Variants in ENOX2 observed in about 807,000 individuals in gnomAD.
The protein encoded by ENOX2 is ecto-NOX disulfide-thiol exchanger 2, also known as APK1 antigen.
Under a neutral mutation model 45.0 loss-of-function variants are expected in ENOX2, and 36 were observed. The ratio of observed to expected loss-of-function variants is 0.80; its 90% CI spans 0.61 to 1.06. The LOEUF is 1.06. Ranked by LOEUF, ENOX2 falls within the 50% of genes least tolerant of loss-of-function variation. ENOX2 has a pLI of 0.00. For missense variants in ENOX2, 423 were observed against 462.5 expected, an observed-to-expected ratio of 0.91 and a Z score of 0.78; for synonymous variants, 174 against 152.3, an observed-to-expected ratio of 1.14 and a Z score of -1.05.
At chrX:130,845,554 C>T (rs2078086650) in intron 2 of ENOX2, among the ~76,000 whole-genome samples, 1 of 112,601 alleles carries the variant, frequency 8.9e-6, no homozygotes, top group Non-Finnish European at 1.9e-5. Context: ...CAACCTCTGC[C>T]TCCTGGGCTC....
intron 2 of ENOX2, among the ~76,000 whole-genome samples, chrX:130,896,641 T>C: frequency 8.9e-6 from 1 of 112,357 alleles, no homozygotes. Flanking sequence ...ACCCTATCTG[T>C]AATTTCTACA....
At chrX:130,673,023 A>G (rs989598587) in intron 6 of ENOX2, among the ~76,000 whole-genome samples, 6 of 112,010 alleles carry the variant, frequency 5.4e-5, no homozygotes, top group Admixed American at 1.9e-4. Flanking sequence ...GAAAACATCC[A>G]GTACATACCG....
intron 2 of ENOX2, among the ~76,000 whole-genome samples, chrX:130,893,291 G>A (rs1351436328): frequency 8.9e-6 from 1 of 111,937 alleles, no homozygotes; most frequent in Non-Finnish European, 1.9e-5. Flanking sequence ...TGAGGGCATT[G>A]GGTTAATAGT....
intron 2 of ENOX2, among the ~76,000 whole-genome samples, chrX:130,837,104 T>G (rs2077940799): frequency 8.9e-6 from 1 of 112,372 alleles, no homozygotes; most frequent in South Asian, 3.7e-4. Flanking sequence ...TGTTGGAATT[T>G]GAAAGTGGGT....
At chrX:130,809,534 A>G (rs1230645851) in intron 2 of ENOX2, among the ~76,000 whole-genome samples, 2 of 111,958 alleles carry the variant, frequency 1.8e-5, no homozygotes, top group Non-Finnish European at 3.8e-5. Flanking sequence ...CCCCAAAGTA[A>G]GCTTTATAAC....
chrX:130,644,290 A>G (rs1225014543), intron 10 of ENOX2, among the ~76,000 whole-genome samples: 1 of 112,008 alleles, frequency 8.9e-6, no homozygotes, highest in East Asian at 2.8e-4. Context: ...TAAAACAAGA[A>G]GAACAAATTA....
At chrX:130,691,178 T>TGG (rs1483858855) in intron 4 of ENOX2, among the ~76,000 whole-genome samples, 1 of 109,537 alleles carries the variant, frequency 9.1e-6, no homozygotes, top group Non-Finnish European at 1.9e-5. Flanking sequence ...TTGGTAAAAG[T>TGG]GGGGGGTTAA....
At chrX:130,844,382 G>A (rs996475382) in intron 2 of ENOX2, among the ~76,000 whole-genome samples, 6 of 111,033 alleles carry the variant, frequency 5.4e-5, no homozygotes, top group African/African-American at 1.3e-4. Flanking sequence ...TGCATGTATC[G>A]TGTTCATGAG....
chrX:130,793,638 C>T (rs1195771812), intron 2 of ENOX2, among the ~76,000 whole-genome samples: 4 of 111,853 alleles, frequency 3.6e-5, no homozygotes, highest in East Asian at 2.8e-4. Flanking sequence ...TATTTTCGTA[C>T]ACTCATAATG....
chrX:130,728,382 C>T (rs1241973463), intron 3 of ENOX2, among the ~76,000 whole-genome samples: 1 of 111,131 alleles, frequency 9.0e-6, no homozygotes. Flanking sequence ...CCAGAAGTTC[C>T]ACAGGGCAGA....
chrX:130,631,682 C>G, intron 12 of ENOX2, 106 bp from the exon 13 acceptor site: 1 of 436,143 alleles, frequency 2.3e-6, no homozygotes, highest in South Asian at 4.7e-5. Context: ...AAAAACAATA[C>G]CATTCAATTT....
intron 2 of ENOX2, among the ~76,000 whole-genome samples, chrX:130,814,733 C>T (rs111649059): frequency 4.5e-5 from 5 of 111,736 alleles, no homozygotes; most frequent in African/African-American, 1.6e-4. Flanking sequence ...ACAGAAACCC[C>T]ATCTGATGGT....
At chrX:130,851,813 G>A (rs1206099271) in intron 2 of ENOX2, among the ~76,000 whole-genome samples, 2 of 111,941 alleles carry the variant, frequency 1.8e-5, no homozygotes, top group Non-Finnish European at 3.8e-5. Context: ...CTATTCCCCT[G>A]TAAAATCTGG....
chrX:130,827,415 G>A (rs1474727055), intron 2 of ENOX2, among the ~76,000 whole-genome samples: 1 of 111,319 alleles, frequency 9.0e-6, no homozygotes, highest in Non-Finnish European at 1.9e-5. Flanking sequence ...TACTTCTGTG[G>A]GAAGCATTTC....
At chrX:130,677,613 C>T (rs2037187279) in intron 6 of ENOX2, among the ~76,000 whole-genome samples, 1 of 110,746 alleles carries the variant, frequency 9.0e-6, no homozygotes, top group Non-Finnish European at 1.9e-5. Context: ...ATGGATTAAT[C>T]CATTCACAGA....
At chrX:130,634,201 G>A (rs142841680) in intron 12 of ENOX2, among the ~76,000 whole-genome samples, 1 of 111,926 alleles carries the variant, frequency 8.9e-6, no homozygotes, top group African/African-American at 3.2e-5. Flanking sequence ...CTCGGTCCAA[G>A]CTCCTAATCT....
chrX:130,732,861 T>C (rs1445687123), intron 3 of ENOX2, among the ~76,000 whole-genome samples: 1 of 111,709 alleles, frequency 9.0e-6, no homozygotes, highest in African/African-American at 3.3e-5. Flanking sequence ...TTTTACACCA[T>C]ACACAAAAAT....
intron 4 of ENOX2, among the ~76,000 whole-genome samples, chrX:130,693,727 G>A (rs748800340): frequency 8.9e-6 from 1 of 112,387 alleles, no homozygotes; most frequent in South Asian, 3.7e-4. Context: ...TTCCATCAAG[G>A]TAAGGGTCTA....
intron 2 of ENOX2, among the ~76,000 whole-genome samples, chrX:130,833,038 C>A (rs1165799966): frequency 9.1e-6 from 1 of 109,825 alleles, no homozygotes; most frequent in Non-Finnish European, 1.9e-5. Flanking sequence ...CACACACACA[C>A]ACACACACAC....
Sources: gnomAD v4.1 joint callset for allele counts (sites outside exome capture counted in the v4.1 genomes callset) on GRCh38, gnomAD v4.1.1 for gene constraint, MANE v1.5 for transcripts, NCBI Gene and HGNC (gene_info 2026-07-23, HGNC 2026-07-21) for gene names.